Variants in INPP4A observed in about 807,000 individuals in gnomAD.
INPP4A encodes the protein inositol polyphosphate-4-phosphatase type I A, also known as inositol polyphosphate-4-phosphatase, type I, 107kD.
In INPP4A, 33 loss-of-function variants were observed where a neutral mutation model predicts 119.8. That is an observed-to-expected ratio of 0.28 (90% CI 0.21 to 0.37). The LOEUF (loss-of-function observed/expected upper bound fraction) is 0.37. Among genes scored for constraint, INPP4A ranks in the 10% least tolerant of loss-of-function variants. The probability of loss-of-function intolerance (pLI) is 1.00; values close to 1 mark genes in which losing one functional copy is unlikely to be tolerated. For synonymous variants in INPP4A, 496 were observed against 500.7 expected (o/e 0.99, Z 0.12); for missense variants, 956 against 1,289.9 (o/e 0.74, Z 3.97).
intron 2 of INPP4A, chr2:98,519,296 T>G (rs1286733730): frequency 6.6e-6 from 1 of 152,270 alleles, no homozygotes; most frequent in Non-Finnish European, 1.5e-5. Flanking sequence ...GTGTGAGCTC[T>G]GGAGCTCTGA....
At chr2:98,465,383 A>T (rs1674526603) in intron 1 of INPP4A, among the ~76,000 whole-genome samples, 1 of 152,200 alleles carries the variant, frequency 6.6e-6, no homozygotes, top group South Asian at 2.1e-4. Context: ...CTGCCTTCAT[A>T]TAAGGACATT....
chr2:98,557,506 T>G (rs1203934704), intron 16 of INPP4A, among the ~76,000 whole-genome samples: 1 of 152,250 alleles, frequency 6.6e-6, no homozygotes, highest in African/African-American at 2.4e-5. Flanking sequence ...CTGTCATGAC[T>G]TTTTATACCA....
intron 14 of INPP4A, among the ~76,000 whole-genome samples, chr2:98,553,357 C>T (rs1472562361): frequency 9.9e-5 from 1 of 10,100 alleles, no homozygotes; most frequent in Non-Finnish European, 1.5e-4. Context: ...AGCTATTATA[C>T]AGACATAAGA....
chr2:98,481,364 T>G (rs1678419119), intron 1 of INPP4A, among the ~76,000 whole-genome samples: 1 of 152,056 alleles, frequency 6.6e-6, no homozygotes, highest in African/African-American at 2.4e-5. Flanking sequence ...CCTATACCAG[T>G]GGGGGCTTGG....
At chr2:98,579,216 A>AT (rs1410581942) in intron 24 of INPP4A, among the ~76,000 whole-genome samples, 1 of 151,912 alleles carries the variant, frequency 6.6e-6, no homozygotes, top group Non-Finnish European at 1.5e-5. Flanking sequence ...CACCTGGCTA[A>AT]TTTTTTGTAT....
intron 5 of INPP4A, 88 bp from the exon 6 acceptor site, chr2:98,535,641 C>T: frequency 1.5e-6 from 1 of 665,452 alleles, no homozygotes; most frequent in Non-Finnish European, 2.7e-6. Flanking sequence ...ATGTTAGTTT[C>T]TCATTCTGAA....
chr2:98,535,628 A>G (rs1690109771), intron 5 of INPP4A, 101 bp from the exon 6 acceptor site: 1 of 650,430 alleles, frequency 1.5e-6, no homozygotes, highest in African/African-American at 1.9e-5. Context: ...CAAGGCAGTG[A>G]GAATGTTAGT....
chr2:98,529,938 T>C (rs1386876557), intron 4 of INPP4A, among the ~76,000 whole-genome samples: 1 of 152,132 alleles, frequency 6.6e-6, no homozygotes, highest in East Asian at 1.9e-4. Context: ...AGATTGTTAA[T>C]GAAGAGATAT....
At chr2:98,470,270 T>C (rs1675715734) in intron 1 of INPP4A, among the ~76,000 whole-genome samples, 1 of 152,200 alleles carries the variant, frequency 6.6e-6, no homozygotes, top group Non-Finnish European at 1.5e-5. Flanking sequence ...TTTAAAGAGC[T>C]CTGGACCCAG....
chr2:98,486,118 G>T (rs1013394924), intron 1 of INPP4A, among the ~76,000 whole-genome samples: 2 of 152,178 alleles, frequency 1.3e-5, no homozygotes, highest in East Asian at 3.8e-4. Flanking sequence ...CTCTATAATG[G>T]AAAGTTGGAT....
chr2:98,562,808 A>G (rs1376064979), intron 17 of INPP4A, among the ~76,000 whole-genome samples: 2 of 151,124 alleles, frequency 1.3e-5, no homozygotes, highest in African/African-American at 2.4e-5. Context: ...AAGTTTCCCT[A>G]TATTCCTAAA....
In INPP4A at chr2:98,563,066, C is replaced by T. The variant is rs138357137; in HGVS notation, c.1856-399C>T. Reference sequence around the variant, plus strand: ...ACAGAGAACCTTTCTGGGTGTCCTTCCTCTCCGGGTGGAGGTGCTACAGGG... The same window carrying T: ...ACAGAGAACCTTTCTGGGTGTCCTTTCTCTCCGGGTGGAGGTGCTACAGGG... On this transcript the variant is annotated intron_variant, in intron 17 of 24. Coordinates refer to ENST00000409851, the MANE Select transcript of INPP4A (RefSeq NM_001134225.2). Among the ~76,000 whole-genome samples, 152 of 152,324 alleles carry T rather than the reference C, an allele frequency of 1.0e-3. 3 individuals are homozygous for T. The East Asian group carries it at 0.026, about 26-fold the overall frequency.
intron 4 of INPP4A, among the ~76,000 whole-genome samples, chr2:98,529,307 A>G (rs1688761821): frequency 6.6e-6 from 1 of 152,170 alleles, no homozygotes; most frequent in Non-Finnish European, 1.5e-5. Flanking sequence ...ACAAATCTAT[A>G]TAGATAGAAA....
chr2:98,468,876 G>T (rs909528275), intron 1 of INPP4A, among the ~76,000 whole-genome samples: 3 of 152,070 alleles, frequency 2.0e-5, no homozygotes, highest in African/African-American at 4.8e-5. Context: ...AGCCTAGGAG[G>T]CGTGGTGAAT....
chr2:98,531,524 G>T (rs1689210363), intron 4 of INPP4A, among the ~76,000 whole-genome samples: 1 of 152,080 alleles, frequency 6.6e-6, no homozygotes, highest in South Asian at 2.1e-4. Flanking sequence ...ACAATTCGCA[G>T]AACAAATAAA....
intron 16 of INPP4A, among the ~76,000 whole-genome samples, chr2:98,558,631 C>T (rs1198761927): frequency 1.3e-5 from 2 of 152,208 alleles, no homozygotes; most frequent in African/African-American, 4.8e-5. Flanking sequence ...CACCTCATTT[C>T]CACATCCTGA....
chr2:98,573,213 C>A (rs1462652976), intron 23 of INPP4A, among the ~76,000 whole-genome samples: 1 of 152,204 alleles, frequency 6.6e-6, no homozygotes, highest in Non-Finnish European at 1.5e-5. Context: ...GCGATCGATA[C>A]CAGCTGAAAA....
At chr2:98,531,025 A>C (rs906626125) in intron 4 of INPP4A, among the ~76,000 whole-genome samples, 3 of 152,264 alleles carry the variant, frequency 2.0e-5, no homozygotes, top group Non-Finnish European at 4.4e-5. Context: ...AGAGCAGAGC[A>C]GAGGAAGCAA....
intron 11 of INPP4A, among the ~76,000 whole-genome samples, chr2:98,544,609 C>A (rs966538609): frequency 1.3e-5 from 2 of 152,174 alleles, no homozygotes; most frequent in Non-Finnish European, 2.9e-5. Flanking sequence ...GAAATCTGTT[C>A]TTGTTCCTTT....
Sources: allele counts gnomAD v4.1 joint callset (sites outside exome capture counted in the v4.1 genomes callset), GRCh38; gene constraint gnomAD v4.1.1; transcripts MANE v1.5; gene names NCBI Gene and HGNC (gene_info 2026-07-23, HGNC 2026-07-21).